CHMP4C: variants seen among roughly 807,000 people sequenced by gnomAD.
CHMP4C encodes charged multivesicular body protein 4C, also known as SNF7 homolog associated with Alix 3.
In CHMP4C, 28 loss-of-function variants were observed where a neutral mutation model predicts 29.0. The observed-to-expected ratio is 0.97, with a 90% CI of 0.72 to 1.32. The LOEUF (loss-of-function observed/expected upper bound fraction) is 1.32, where lower values mean the gene tolerates loss of function less well. Ranked by LOEUF, CHMP4C falls within the 40% of genes most tolerant of loss-of-function variation. The pLI is 0.00. For missense variants in CHMP4C, 291 were observed against 281.0 expected (o/e 1.04, Z -0.25); for synonymous variants, 106 against 102.4 (o/e 1.04, Z -0.21).
intron 1 of CHMP4C, among the ~76,000 whole-genome samples, chr8:81,739,893 C>A (rs942913632): frequency 5.3e-5 from 8 of 152,184 alleles, no homozygotes; most frequent in Non-Finnish European, 1.2e-4. Context: ...GCTAAAACTC[C>A]CAGCCAAATT....
intron 1 of CHMP4C, among the ~76,000 whole-genome samples, chr8:81,745,511 T>C (rs191943805): frequency 3.3e-5 from 5 of 152,328 alleles, no homozygotes; most frequent in African/African-American, 1.2e-4. Flanking sequence ...ACATGAGCAA[T>C]GAAATTGAAA....
At chr8:81,750,986 G>A (rs1270342366) in intron 1 of CHMP4C, among the ~76,000 whole-genome samples, 1 of 152,066 alleles carries the variant, frequency 6.6e-6, no homozygotes, top group Non-Finnish European at 1.5e-5. Context: ...GAGATTATTT[G>A]CAAAGGGATG....
In CHMP4C at chr8:81,758,858, G is replaced by T. The variant is rs954815005; in HGVS notation, c.*314G>T. ...TGTACTAAAAATACAAAAATTAGCC[G>T]GACATGGTGGCAGGCACCTGTAATC... is the stretch of plus-strand genomic sequence containing the variant. On this transcript the variant is annotated 3_prime_UTR_variant, in exon 5 of 5. Coordinates refer to ENST00000297265, the MANE Select transcript of CHMP4C (RefSeq NM_152284.4). 4.8e-6 allele frequency: 1 copy of T among 209,002 alleles called. No individual in the cohort carries two copies. The highest frequency in any genetic ancestry group is 1.9e-3 in the Middle Eastern group (1 of 536). 12.9% of individuals were successfully genotyped at this position (209,002 alleles called of 1,614,324 possible).
chr8:81,739,421 G>GGC (rs1563618649), intron 1 of CHMP4C, among the ~76,000 whole-genome samples: 4 of 140,932 alleles, frequency 2.8e-5, no homozygotes, highest in Admixed American at 7.0e-5. Context: ...GGGATTGTGG[G>GGC]GGGGGGTGGA....
chr8:81,746,551 C>T (rs1164987406), intron 1 of CHMP4C, among the ~76,000 whole-genome samples: 1 of 152,156 alleles, frequency 6.6e-6, no homozygotes, highest in Non-Finnish European at 1.5e-5. Flanking sequence ...TTCTTTCTCA[C>T]AGGAGAAAAA....
rs554345252 is a variant in CHMP4C, at chr8:81,758,738, G to T, written c.*194G>T. Reference sequence around the variant, plus strand: ...AGAATCAGTGATGGAGGCCAGGCACGGTATCTCATGCCTATAATCCCAGCA... The same window carrying T: ...AGAATCAGTGATGGAGGCCAGGCACTGTATCTCATGCCTATAATCCCAGCA... On this transcript the variant is annotated 3_prime_UTR_variant, in exon 5 of 5. Coordinates refer to ENST00000297265, the MANE Select transcript of CHMP4C (RefSeq NM_152284.4). The T allele has an allele frequency of 5.3e-6, 3 of 561,194 alleles. No individual in the cohort carries two copies. The highest frequency in any genetic ancestry group is 9.4e-6 in the Non-Finnish European group (3 of 318,698). The allele number at this position is 561,194 out of a possible 1,614,324, so 34.8% of individuals were successfully genotyped here.
At chr8:81,750,747 A>G (rs976093560) in intron 1 of CHMP4C, among the ~76,000 whole-genome samples, 4 of 152,174 alleles carry the variant, frequency 2.6e-5, no homozygotes, top group Non-Finnish European at 4.4e-5. Flanking sequence ...AAATTTCAGA[A>G]GATAGTAGAC....
At chr8:81,751,832 T>C (rs1356105631) in intron 1 of CHMP4C, among the ~76,000 whole-genome samples, 5 of 152,076 alleles carry the variant, frequency 3.3e-5, no homozygotes, top group African/African-American at 1.2e-4. Context: ...TAGCGAAATA[T>C]AGGTGTCTTT....
intron 3 of CHMP4C, among the ~76,000 whole-genome samples, chr8:81,757,241 T>C (rs1808983664): frequency 6.6e-6 from 1 of 152,172 alleles, no homozygotes; most frequent in Non-Finnish European, 1.5e-5. Context: ...GAGTGAGTGC[T>C]CAATGAATTT....
At chr8:81,740,916 C>T (rs924279639) in intron 1 of CHMP4C, among the ~76,000 whole-genome samples, 1 of 152,242 alleles carries the variant, frequency 6.6e-6, no homozygotes, top group East Asian at 1.9e-4. Flanking sequence ...AGTGGATGAT[C>T]TACAGTTTTT....
At chr8:81,748,943 A>AT (rs201865554) in intron 1 of CHMP4C, among the ~76,000 whole-genome samples, 4,963 of 151,232 alleles carry the variant, frequency 0.033, 278 homozygotes, top group African/African-American at 0.12. Flanking sequence ...AAAAAAAAAA[A>AT]ATGCAAGCTT....
intron 2 of CHMP4C, among the ~76,000 whole-genome samples, chr8:81,754,641 G>A (rs1275853971): frequency 6.6e-6 from 1 of 152,066 alleles, no homozygotes; most frequent in Non-Finnish European, 1.5e-5. Context: ...TCAGAGATAA[G>A]CTACTATAGA....
Position 81,753,217 on chromosome 8 carries a change from C to T in CHMP4C, c.344C>T (p.Ala115Val), listed in dbSNP as rs370771265. The stretch of plus-strand genomic sequence containing the variant: ...AGGAACATGGGCTTTGCAGCAAAAG[C>T]GATGAAATCTGTTCATGAAAACATG... ...VLRNMGFAAKAMKSVHENMDL... is the reference protein window; with the variant it reads ...VLRNMGFAAKVMKSVHENMDL... Residue 115 changes from alanine to valine, a missense_variant, in exon 2 of 5, where the codon GCG becomes GTG. Ala to Val is a moderately conservative substitution (Grantham distance 64). Coordinates refer to ENST00000297265, the MANE Select transcript of CHMP4C (RefSeq NM_152284.4). 5.4e-5 allele frequency: 86 copies of T among 1,604,588 alleles called. No homozygotes were observed. Among genetic ancestry groups the T allele is most frequent in the Admixed American group, 3.9e-4 (23 of 58,708 alleles).
chr8:81,751,405 A>G (rs1226796834), intron 1 of CHMP4C, among the ~76,000 whole-genome samples: 3 of 152,150 alleles, frequency 2.0e-5, no homozygotes, highest in African/African-American at 7.2e-5. Context: ...ATCAGGAACT[A>G]ATAAAATTGC....
chr8:81,757,460 T>C (rs1199982532), intron 3 of CHMP4C, among the ~76,000 whole-genome samples: 1 of 152,198 alleles, frequency 6.6e-6, no homozygotes, highest in African/African-American at 2.4e-5. Flanking sequence ...ATCTGAACTA[T>C]CTGAGTCATC....
intron 1 of CHMP4C, among the ~76,000 whole-genome samples, chr8:81,740,938 T>C (rs537675768): frequency 1.3e-5 from 2 of 152,178 alleles, no homozygotes; most frequent in Non-Finnish European, 2.9e-5. Flanking sequence ...CTTGAGTCAG[T>C]ATCCAGCAAC....
chr8:81,739,423 G>GGGGC (rs1554592468), intron 1 of CHMP4C, among the ~76,000 whole-genome samples: 5 of 142,934 alleles, frequency 3.5e-5, no homozygotes, highest in African/African-American at 1.0e-4. Context: ...GATTGTGGGG[G>GGGGC]GGGGTGGAAA....
intron 1 of CHMP4C, among the ~76,000 whole-genome samples, chr8:81,739,183 G>A (rs1304757647): frequency 7.1e-6 from 1 of 140,998 alleles, no homozygotes; most frequent in African/African-American, 2.7e-5. Flanking sequence ...TGCAACCTCT[G>A]CCTCCCGGGT....
chr8:81,745,590 G>A (rs1212759473), intron 1 of CHMP4C, among the ~76,000 whole-genome samples: 1 of 152,196 alleles, frequency 6.6e-6, no homozygotes, highest in African/African-American at 2.4e-5. Flanking sequence ...CAGCATAGTG[G>A]AGTTGCATAG....
Sources: gnomAD v4.1 joint callset for allele counts (sites outside exome capture counted in the v4.1 genomes callset) on GRCh38, gnomAD v4.1.1 for gene constraint, MANE v1.5 for transcripts, NCBI Gene and HGNC (gene_info 2026-07-23, HGNC 2026-07-21) for gene names.